Variants in AGFG1 observed in about 807,000 individuals in gnomAD.
AGFG1 encodes ArfGAP with FG repeats 1, also known as arf-GAP domain and FG repeat-containing protein 1.
Under a neutral mutation model 60.6 loss-of-function variants are expected in AGFG1, and 10 were observed. The observed-to-expected ratio is 0.16, with a 90% confidence interval of 0.10 to 0.28. The LOEUF is 0.28. Ranked by LOEUF, AGFG1 falls within the 10% of genes least tolerant of loss-of-function variation. AGFG1 has a pLI of 1.00. For synonymous variants in AGFG1, 247 were observed against 242.9 expected, an observed-to-expected ratio of 1.02 and a Z score of -0.16; for missense variants, 537 against 676.5, an observed-to-expected ratio of 0.79 and a Z score of 2.29.
Position 227,557,216 on chromosome 2 carries a change from A to G in AGFG1, c.*2721A>G, listed in dbSNP as rs1371124581. The G allele has an allele frequency of 2.6e-5, 4 of 152,138 alleles. No homozygotes were observed. The highest frequency in any genetic ancestry group is 7.2e-5 in the African/African-American group (3 of 41,434). The allele number at this position is 152,138 out of a possible 1,614,324, so 9.4% of individuals were successfully genotyped here. A position where few individuals can be genotyped will look rare whatever the true frequency, so the allele number is the denominator to read the frequency against. ...TGTTCAGGAAAGATCTTTTTTCAGG[A>G]TGGCAAACTTTTGACATAGTTTAAA... On this transcript the variant is annotated 3_prime_UTR_variant, in exon 13 of 13. Coordinates refer to ENST00000310078, the MANE Select transcript of AGFG1 (RefSeq NM_004504.5).
At chr2:227,517,936 A>G (rs939612137) in intron 2 of AGFG1, among the ~76,000 whole-genome samples, 13 of 152,176 alleles carry the variant, frequency 8.5e-5, no homozygotes, top group Admixed American at 2.6e-4. Context: ...TGAAACCACT[A>G]CCACAATAAC....
At chr2:227,507,739 A>G (rs1691368720) in intron 2 of AGFG1, among the ~76,000 whole-genome samples, 2 of 151,798 alleles carry the variant, frequency 1.3e-5, no homozygotes, top group Admixed American at 6.6e-5. Flanking sequence ...AAAACTATTT[A>G]TAAATATCAG....
In AGFG1 at chr2:227,554,948, A is replaced by AT. The variant is rs2106247986; in HGVS notation, c.*453_*454insT. The AT allele has an allele frequency of 6.5e-6, 1 of 153,106 alleles. No individual in the cohort carries two copies. The highest frequency in any genetic ancestry group is 6.5e-5 in the Admixed American group (1 of 15,352). 9.5% of individuals were successfully genotyped at this position (153,106 alleles called of 1,614,324 possible). A position where few individuals can be genotyped will look rare whatever the true frequency, so the allele number is the denominator to read the frequency against. Reference sequence around the variant, plus strand: ...ATTTTAACCATTGCTACTGGAAAGTAACAGAGTCAAAATTGGAAGGTTTTA... The same window carrying AT: ...ATTTTAACCATTGCTACTGGAAAGTATACAGAGTCAAAATTGGAAGGTTTTA... On this transcript the variant is annotated 3_prime_UTR_variant, in exon 13 of 13. Coordinates refer to ENST00000310078, the MANE Select transcript of AGFG1 (RefSeq NM_004504.5).
chr2:227,516,598 G>A (rs1691658975), intron 2 of AGFG1, among the ~76,000 whole-genome samples: 1 of 152,146 alleles, frequency 6.6e-6, no homozygotes, highest in Non-Finnish European at 1.5e-5. Flanking sequence ...ACAGCAGTTA[G>A]TAAACAATTT....
At chr2:227,489,909 G>C (rs1350162565) in intron 1 of AGFG1, among the ~76,000 whole-genome samples, 1 of 151,748 alleles carries the variant, frequency 6.6e-6, no homozygotes, top group Non-Finnish European at 1.5e-5. Context: ...TCTGCCTCCT[G>C]GGTTCAAGCA....
At chr2:227,475,316 T>A (rs987997578) in intron 1 of AGFG1, among the ~76,000 whole-genome samples, 1 of 152,210 alleles carries the variant, frequency 6.6e-6, no homozygotes, top group African/African-American at 2.4e-5. Context: ...CATTTCCCTC[T>A]GATTGGGTTA....
At chr2:227,482,354 A>G (rs1018527325) in intron 1 of AGFG1, among the ~76,000 whole-genome samples, 1 of 152,200 alleles carries the variant, frequency 6.6e-6, no homozygotes, top group Non-Finnish European at 1.5e-5. Flanking sequence ...AAATATATTC[A>G]GTTTTTTAAT....
At position 227,523,819 on chromosome 2, in the gene AGFG1, G is replaced by A. The variant is rs1691896358; in HGVS notation, c.434G>A (p.Gly145Glu). The change falls in exon 4 of 13, where the codon GGG (glycine) becomes GAG (glutamate). Residue 145 changes from glycine (G) to glutamate (E), a missense_variant. By Grantham distance (98) the Gly-to-Glu change is moderately conservative (BLOSUM62 -2). Around this residue, in one of 4 missense-constraint regions of AGFG1, gnomAD observed 120 missense variants for 198.5 expected, o/e 0.60. Transcript: ENST00000310078. ...GCATCAGTTCATGCATCTATTTCAG[G>A]GTCCTCTGCCAGTAGCACAAGCAGC... is the stretch of plus-strand genomic sequence containing the variant. ...VVASVHASIS[G>E]SSASSTSSTP... The A allele has an allele frequency of 6.2e-7, 1 of 1,613,682 alleles. No individual in the cohort carries two copies. Among genetic ancestry groups the A allele is most frequent in the Admixed American group, 1.7e-5 (1 of 59,932 alleles).
chr2:227,541,333 A>C (rs1047866485), intron 10 of AGFG1, among the ~76,000 whole-genome samples: 1 of 152,176 alleles, frequency 6.6e-6, no homozygotes, highest in Non-Finnish European at 1.5e-5. Context: ...TTTAGGTCTA[A>C]CACTTAAGTC....
intron 2 of AGFG1, among the ~76,000 whole-genome samples, chr2:227,510,009 A>G (rs1691448559): frequency 6.6e-6 from 1 of 152,204 alleles, no homozygotes; most frequent in Non-Finnish European, 1.5e-5. Context: ...ATACAGGGTA[A>G]TTTACTTATG....
intron 1 of AGFG1, among the ~76,000 whole-genome samples, chr2:227,482,486 A>T (rs1185845814): frequency 6.6e-6 from 1 of 152,194 alleles, no homozygotes; most frequent in Non-Finnish European, 1.5e-5. Context: ...TAGATTTTAA[A>T]TGTATAATTT....
At chr2:227,520,199 CT>C in intron 3 of AGFG1, 136 bp downstream of exon 3, 2 of 523,540 alleles carry the variant, frequency 3.8e-6, no homozygotes, top group South Asian at 6.8e-5. Context: ...TATCCCTTGG[CT>C]TTTTGTTGGT....
At chr2:227,526,617 A>G (rs1692003401) in intron 5 of AGFG1, among the ~76,000 whole-genome samples, 1 of 134,374 alleles carries the variant, frequency 7.4e-6, no homozygotes, top group Admixed American at 8.5e-5. Context: ...ATCTTGGCTT[A>G]CCGCAACCTC....
At position 227,533,641 on chromosome 2, in the gene AGFG1, CAG is replaced by C; in HGVS notation, c.910_911del (p.His305SerfsTer7). On this transcript the variant is annotated frameshift_variant, in exon 7 of 13. Transcript: ENST00000310078. LOFTEE classifies it high-confidence loss of function. ...SADFGTFNTS[Q>X]SHQTASAVSK... ...TGATTTTGGAACCTTCAATACTTCC[CAG>C]AGTCATCAAACAGCATCAGCTGTTA... 1 of 1,613,806 alleles carries C rather than the reference CAG, an allele frequency of 6.2e-7. No homozygotes were observed. Among genetic ancestry groups the C allele is most frequent in the Non-Finnish European group, 8.5e-7 (1 of 1,179,794 alleles).
At chr2:227,546,186 G>A (rs1411985693) in intron 10 of AGFG1, among the ~76,000 whole-genome samples, 4 of 152,234 alleles carry the variant, frequency 2.6e-5, no homozygotes, top group Admixed American at 2.6e-4. Context: ...TCAAGCCTCA[G>A]TAATGGCGGG....
intron 5 of AGFG1, among the ~76,000 whole-genome samples, chr2:227,528,694 G>A (rs1013519222): frequency 6.6e-6 from 1 of 152,092 alleles, no homozygotes; most frequent in Non-Finnish European, 1.5e-5. Flanking sequence ...AATGCAGTTT[G>A]TGAGTCTTCA....
chr2:227,553,602 C>G, intron 11 of AGFG1, 102 bp from the exon 12 acceptor site: 2 of 889,412 alleles, frequency 2.2e-6, no homozygotes, highest in Non-Finnish European at 3.5e-6. Flanking sequence ...TTTATTTTTG[C>G]TGCTCTGGTA....
At chr2:227,500,854 A>G (rs1461355756) in intron 2 of AGFG1, among the ~76,000 whole-genome samples, 1 of 151,794 alleles carries the variant, frequency 6.6e-6, no homozygotes, top group Non-Finnish European at 1.5e-5. Context: ...GTGCAGTGGC[A>G]TGATCTTGGC....
intron 1 of AGFG1, among the ~76,000 whole-genome samples, chr2:227,477,228 A>G (rs1690311850): frequency 1.3e-5 from 2 of 152,118 alleles, no homozygotes; most frequent in Admixed American, 6.6e-5. Flanking sequence ...GTGAAGGACA[A>G]ATTTTTTATT....
Sources: gnomAD v4.1 joint callset for allele counts (sites outside exome capture counted in the v4.1 genomes callset) on GRCh38, gnomAD v4.1.1 for gene constraint, gnomAD v4.1.1 regional missense constraint, MANE v1.5 for transcripts, NCBI Gene and HGNC (gene_info 2026-07-23, HGNC 2026-07-21) for gene names.